GNAL: variants seen among roughly 807,000 people sequenced by gnomAD.
GNAL encodes G protein subunit alpha L.
A neutral mutation model predicts 55.1 loss-of-function variants in GNAL; 18 were observed. The ratio of observed to expected loss-of-function variants is 0.33; its 90% CI spans 0.23 to 0.48. The LOEUF is 0.48. GNAL is among the 20% of genes least tolerant of loss of function. GNAL has a pLI of 0.99. For synonymous variants in GNAL, 253 were observed against 237.0 expected, an observed-to-expected ratio of 1.07 and a Z score of -0.62; for missense variants, 412 against 614.1, an observed-to-expected ratio of 0.67 and a Z score of 3.48.
At position 11,734,652 on chromosome 18, in the gene GNAL, G is replaced by A. The variant is rs574501333; in HGVS notation, c.377-18201G>A. Among the ~76,000 whole-genome samples the A allele has an allele frequency of 1.5e-4, 22 of 151,268 alleles. No individual in the cohort carries two copies. In the South Asian group the frequency reaches 1.5e-3, roughly 10 times the overall value. ...AGGACTCTAAAGATCTCATGGCATC[G>A]TTCAACAGGTGAGGTTTTAGGTTGC... On this transcript the variant is annotated intron_variant, in intron 1 of 11. Transcript: ENST00000334049.
At chr18:11,715,111 C>G (rs1218135256) in intron 1 of GNAL, among the ~76,000 whole-genome samples, 1 of 151,422 alleles carries the variant, frequency 6.6e-6, no homozygotes, top group Non-Finnish European at 1.5e-5. Context: ...TGCCACTGCA[C>G]TCTGGCCTGA....
At chr18:11,695,597 C>T (rs545754405) in intron 1 of GNAL, among the ~76,000 whole-genome samples, 2 of 152,296 alleles carry the variant, frequency 1.3e-5, no homozygotes, top group South Asian at 2.1e-4. Context: ...TGACTGTGTT[C>T]ACTACCTTCC....
chr18:11,816,844 T>A (rs2034970786), intron 4 of GNAL, among the ~76,000 whole-genome samples: 1 of 149,972 alleles, frequency 6.7e-6, no homozygotes, highest in Non-Finnish European at 1.5e-5. Flanking sequence ...GAACAAACTG[T>A]TAATGTACGT....
rs761058872 is a variant in GNAL, at chr18:11,751,710, A to T, written c.377-1143A>T. The T allele has an allele frequency of 2.1e-6, 2 of 970,992 alleles. No individual in the cohort carries two copies. The highest frequency in any genetic ancestry group is 2.4e-6 in the Non-Finnish European group (2 of 816,814). The allele number at this position is 970,992 out of a possible 1,614,324, so 60.1% of individuals were successfully genotyped here. A position where few individuals can be genotyped will look rare whatever the true frequency, so the allele number is the denominator to read the frequency against. ...CGGAACCCAGGCCGGTCAGCGTGTAAGCGCCCCAGCCGGCCGGGCTCCGTG... is the reference window on the plus strand; with the variant it reads ...CGGAACCCAGGCCGGTCAGCGTGTATGCGCCCCAGCCGGCCGGGCTCCGTG... On this transcript the variant is annotated intron_variant, in intron 1 of 11. Coordinates refer to ENST00000334049, the MANE Select transcript of GNAL (RefSeq NM_182978.4). The surrounding 1 kb of genome is among the most constrained non-coding windows in gnomAD (Gnocchi z 4.5).
At chr18:11,851,617 A>AT in intron 5 of GNAL, 1 of 1,613,956 alleles carries the variant, frequency 6.2e-7, no homozygotes, top group Non-Finnish European at 8.5e-7. Flanking sequence ...AAAGGCCAAA[A>AT]TTAAAAAGGC....
chr18:11,700,797 T>C (rs1483046075), intron 1 of GNAL, among the ~76,000 whole-genome samples: 1 of 152,254 alleles, frequency 6.6e-6, no homozygotes, highest in Non-Finnish European at 1.5e-5. Flanking sequence ...TCTTCTGTAG[T>C]TGAAAAGTGA....
At chr18:11,690,321 C>G (rs1308790555) in intron 1 of GNAL, among the ~76,000 whole-genome samples, 2 of 152,156 alleles carry the variant, frequency 1.3e-5, no homozygotes, top group Non-Finnish European at 2.9e-5. Flanking sequence ...CACGAGGAGG[C>G]TGGCAGTTTG....
chr18:11,767,107 C>G (rs1438863935), intron 4 of GNAL, among the ~76,000 whole-genome samples: 1 of 152,198 alleles, frequency 6.6e-6, no homozygotes, highest in Admixed American at 6.5e-5. Context: ...AGGAAGAAAT[C>G]CCTGACTTCC....
In GNAL at chr18:11,699,846, G is replaced by A. The variant is rs111811211; in HGVS notation, c.376+9907G>A. Among the ~76,000 whole-genome samples the A allele has an allele frequency of 5.0e-3, 766 of 152,232 alleles. 6 individuals carry two copies. Among genetic ancestry groups the A allele is most frequent in the African/African-American group, 0.018 (729 of 41,532 alleles). On this transcript the variant is annotated intron_variant, in intron 1 of 11. Transcript: ENST00000334049. ...GGAACCCTAGTGTAGCCCTTCCAGC[G>A]CTGTGGACTCTGGGTGACAGTCATG...
At position 11,843,236 on chromosome 18, in the gene GNAL, C is replaced by T. The variant is rs373572739; in HGVS notation, c.722+18221C>T. 7.2e-4 allele frequency among the ~76,000 whole-genome samples: 110 copies of T among 151,960 alleles called. No homozygotes were observed. In the South Asian group the frequency reaches 0.017, roughly 24 times the overall value. ...AAAAGGGGCTGGGTGTGGTGGCTCA[C>T]GCCTGTAATCCTAGCACTTTGGGAG... On this transcript the variant is annotated intron_variant, in intron 5 of 11. Coordinates refer to ENST00000334049, the MANE Select transcript of GNAL (RefSeq NM_182978.4).
intron 1 of GNAL, among the ~76,000 whole-genome samples, chr18:11,729,554 G>C (rs1234173256): frequency 6.6e-6 from 1 of 152,024 alleles, no homozygotes; most frequent in Non-Finnish European, 1.5e-5. Context: ...GTTTTATTAT[G>C]TACTTCCTTC....
At chr18:11,794,139 G>A (rs1371930294) in intron 4 of GNAL, among the ~76,000 whole-genome samples, 2 of 152,212 alleles carry the variant, frequency 1.3e-5, no homozygotes, top group Non-Finnish European at 2.9e-5. Context: ...GAACCCTCAT[G>A]CATTGCTGCT....
rs1373962291 is a variant in GNAL, at chr18:11,752,421, C to T, written c.377-432C>T. On this transcript the variant is annotated intron_variant, in intron 1 of 11. Coordinates refer to ENST00000334049, the MANE Select transcript of GNAL (RefSeq NM_182978.4). The surrounding 1 kb of genome is among the most constrained non-coding windows in gnomAD (Gnocchi z 4.5). ...CATTCCTAACTTCCTGACGTCCATC[C>T]CAGCGGGCAGGCATGGGGTGTTTGG... 6.2e-7 allele frequency: 1 copy of T among 1,601,300 alleles called. No individual in the cohort carries two copies. The highest frequency in any genetic ancestry group is 1.4e-5 in the African/African-American group (1 of 73,576).
chr18:11,837,632 G>A (rs999937141), intron 5 of GNAL, among the ~76,000 whole-genome samples: 2 of 152,212 alleles, frequency 1.3e-5, no homozygotes, highest in African/African-American at 4.8e-5. Flanking sequence ...TGCTGAGGAT[G>A]TGAAGAAATT....
At chr18:11,844,171 C>T (rs1465386497) in intron 5 of GNAL, among the ~76,000 whole-genome samples, 3 of 152,104 alleles carry the variant, frequency 2.0e-5, no homozygotes, top group African/African-American at 4.8e-5. Flanking sequence ...CAGTGGCTCA[C>T]GCCTGTAATC....
chr18:11,764,377 G>A (rs2033340868), intron 4 of GNAL, among the ~76,000 whole-genome samples: 1 of 152,096 alleles, frequency 6.6e-6, no homozygotes, highest in Non-Finnish European at 1.5e-5. Flanking sequence ...AAGGTGTTGG[G>A]ATTACAGGCG....
rs1243814755 is a variant in GNAL, at chr18:11,825,001, T to A, written c.708T>A (p.Ile236=). 6.3e-7 allele frequency: 1 copy of A among 1,583,764 alleles called. No individual in the cohort carries two copies. Among genetic ancestry groups the A allele is most frequent in the East Asian group, 2.2e-5 (1 of 44,722 alleles). The change falls in exon 5 of 12, where the codon ATT becomes ATA. Residue 236 remains isoleucine, a synonymous_variant. Transcript: ENST00000334049. ...CFERSNEYQL[I]DCAQYFLERI... ...AGAGATCCAACGAATACCAGCTGAT[T>A]GACTGTGCACAATAGTAAGTTGTGT...
At chr18:11,871,801 C>A (rs73403332) in intron 9 of GNAL, among the ~76,000 whole-genome samples, 7,074 of 152,198 alleles carry the variant, frequency 0.046, 528 homozygotes, top group African/African-American at 0.16. Flanking sequence ...AGCTTTGGTT[C>A]CAATAAATCT....
intron 5 of GNAL, among the ~76,000 whole-genome samples, chr18:11,845,840 C>A (rs766421585): frequency 6.6e-6 from 1 of 152,026 alleles, no homozygotes; most frequent in Admixed American, 6.6e-5. Context: ...GGGGCCCAGT[C>A]AGCCTTCTCA....
Sources: gnomAD v4.1 joint callset for allele counts (sites outside exome capture counted in the v4.1 genomes callset) on GRCh38, gnomAD v4.1.1 for gene constraint, Gnocchi (gnomAD v3.1) non-coding constraint, MANE v1.5 for transcripts, NCBI Gene and HGNC (gene_info 2026-07-23, HGNC 2026-07-21) for gene names.